Variants in ANO2 observed in about 807,000 individuals in gnomAD.
The protein encoded by ANO2 is anoctamin-2.
Under a neutral mutation model 124.2 loss-of-function variants are expected in ANO2, and 101 were observed. That is an observed-to-expected ratio of 0.81 (90% CI 0.69 to 0.96). The LOEUF is 0.96. Among genes scored for constraint, ANO2 ranks in the 40% least tolerant of loss-of-function variants. The pLI is 0.00. For missense variants in ANO2, 1,293 were observed against 1,274.5 expected, an observed-to-expected ratio of 1.01 and a Z score of -0.22; for synonymous variants, 486 against 482.5, an observed-to-expected ratio of 1.01 and a Z score of -0.09.
chr12:5,626,308 G>C (rs1035192486), intron 16 of ANO2, among the ~76,000 whole-genome samples: 1 of 152,098 alleles, frequency 6.6e-6, no homozygotes, highest in Admixed American at 6.5e-5. Flanking sequence ...GTGTCGGATG[G>C]CATCCTGGAG....
At chr12:5,745,310 G>A (rs542084915) in intron 11 of ANO2, among the ~76,000 whole-genome samples, 1 of 152,326 alleles carries the variant, frequency 6.6e-6, no homozygotes, top group East Asian at 1.9e-4. Flanking sequence ...TTAAGCTCAT[G>A]GTTCAGGGGG....
intron 4 of ANO2, among the ~76,000 whole-genome samples, chr12:5,838,741 T>C (rs1245391502): frequency 6.6e-6 from 1 of 152,172 alleles, no homozygotes; most frequent in Non-Finnish European, 1.5e-5. Flanking sequence ...TAAAATACAT[T>C]GTGGTTTGCT....
intron 9 of ANO2, among the ~76,000 whole-genome samples, chr12:5,805,270 A>G (rs1288003880): frequency 6.6e-6 from 1 of 152,210 alleles, no homozygotes; most frequent in Non-Finnish European, 1.5e-5. Context: ...TCCAGACAAC[A>G]GAGTGGGGGA....
In ANO2 at chr12:5,871,138, A is replaced by G. The variant is rs958006849; in HGVS notation, c.535-16997T>C. Among the ~76,000 whole-genome samples the G allele has an allele frequency of 3.3e-5, 5 of 152,308 alleles. No individual in the cohort carries two copies. In the East Asian group the frequency reaches 9.6e-4, roughly 29 times the overall value. Reference sequence around the variant, plus strand: ...GATGCCGACTCACAGGAAAACGGCCATAGAGAGATGGGAGCACTTAATGGT... The same window carrying G: ...GATGCCGACTCACAGGAAAACGGCCGTAGAGAGATGGGAGCACTTAATGGT... On this transcript the variant is annotated intron_variant, in intron 3 of 24. Transcript: ENST00000682330.
At chr12:5,591,167 C>T (rs1029085712) in intron 20 of ANO2, among the ~76,000 whole-genome samples, 4 of 152,088 alleles carry the variant, frequency 2.6e-5, no homozygotes, top group African/African-American at 4.8e-5. Flanking sequence ...GCAACAAGAG[C>T]GAAACTGTCT....
intron 4 of ANO2, among the ~76,000 whole-genome samples, chr12:5,850,044 T>C (rs1218892874): frequency 2.0e-5 from 3 of 152,096 alleles, no homozygotes; most frequent in Admixed American, 1.3e-4. Flanking sequence ...CTACCCAGCA[T>C]ACCAAGTTAT....
At chr12:5,601,915 A>T (rs1019121915) in intron 19 of ANO2, among the ~76,000 whole-genome samples, 4 of 152,220 alleles carry the variant, frequency 2.6e-5, no homozygotes, top group African/African-American at 9.6e-5. Context: ...AGAGAGAAAC[A>T]AGCCAACTCA....
At chr12:5,786,955 A>G (rs1952557591) in intron 10 of ANO2, among the ~76,000 whole-genome samples, 1 of 152,218 alleles carries the variant, frequency 6.6e-6, no homozygotes, top group African/African-American at 2.4e-5. Flanking sequence ...ATATGTTCAC[A>G]GCAGTCATTC....
chr12:5,646,275 T>C (rs1377369205), intron 15 of ANO2, among the ~76,000 whole-genome samples: 3 of 152,218 alleles, frequency 2.0e-5, no homozygotes, highest in Non-Finnish European at 4.4e-5. Context: ...CCCATTTTCC[T>C]TTAGATTTTA....
chr12:5,853,998 T>G (rs764522687), intron 4 of ANO2, 45 bp downstream of exon 4: 7 of 1,535,554 alleles, frequency 4.6e-6, no homozygotes, highest in Non-Finnish European at 6.3e-6. Context: ...TTTGCATCCA[T>G]CCAGCCCTCA....
chr12:5,874,814 C>T (rs1189270636), intron 3 of ANO2, among the ~76,000 whole-genome samples: 8 of 152,134 alleles, frequency 5.3e-5, no homozygotes, highest in South Asian at 2.1e-4. Flanking sequence ...TCTTACCTGC[C>T]GACCCATCAT....
At chr12:5,782,187 T>C (rs1001381527) in intron 10 of ANO2, among the ~76,000 whole-genome samples, 1 of 152,240 alleles carries the variant, frequency 6.6e-6, no homozygotes, top group Admixed American at 6.5e-5. Flanking sequence ...TTTGTCAATA[T>C]AAATATTATC....
chr12:5,807,724 T>A (rs1355674280), intron 7 of ANO2, among the ~76,000 whole-genome samples: 2 of 152,224 alleles, frequency 1.3e-5, no homozygotes, highest in African/African-American at 4.8e-5. Flanking sequence ...ATCATTTTAA[T>A]CATGATCTAT....
chr12:5,850,572 T>C (rs1555173237), intron 4 of ANO2, among the ~76,000 whole-genome samples: 1 of 152,178 alleles, frequency 6.6e-6, no homozygotes, highest in African/African-American at 2.4e-5. Context: ...AATCACATGC[T>C]TTGCCTCTCC....
At chr12:5,568,748 T>G (rs1941930840) in intron 23 of ANO2, among the ~76,000 whole-genome samples, 1 of 152,128 alleles carries the variant, frequency 6.6e-6, no homozygotes. Flanking sequence ...ACCCAGTGCT[T>G]AGCACTGGCG....
At chr12:5,890,228 T>C (rs1939298053) in intron 3 of ANO2, among the ~76,000 whole-genome samples, 1 of 152,110 alleles carries the variant, frequency 6.6e-6, no homozygotes, top group African/African-American at 2.4e-5. Flanking sequence ...TTGGAGGTGC[T>C]TGCAGCCTCA....
At chr12:5,748,652 G>T (rs1370934032) in intron 11 of ANO2, among the ~76,000 whole-genome samples, 2 of 152,074 alleles carry the variant, frequency 1.3e-5, no homozygotes, top group Non-Finnish European at 2.9e-5. Context: ...CAGGATCAAA[G>T]AAACTAGTTT....
At chr12:5,923,096 A>ACACG (rs1565783546) in intron 1 of ANO2, among the ~76,000 whole-genome samples, 1 of 63,262 alleles carries the variant, frequency 1.6e-5, no homozygotes, top group African/African-American at 3.8e-5. Context: ...ACACACACGC[A>ACACG]CACACATACA....
At chr12:5,943,201 T>C (rs577032380) in intron 1 of ANO2, among the ~76,000 whole-genome samples, 4 of 152,068 alleles carry the variant, frequency 2.6e-5, no homozygotes, top group South Asian at 2.1e-4. Context: ...ATTGCAAAGA[T>C]AGGGAACCAA....
Sources: allele counts gnomAD v4.1 joint callset (sites outside exome capture counted in the v4.1 genomes callset), GRCh38; gene constraint gnomAD v4.1.1; transcripts MANE v1.5; gene names NCBI Gene and HGNC (gene_info 2026-07-23, HGNC 2026-07-21).